LRMDA: variants seen among roughly 807,000 people sequenced by gnomAD.
LRMDA encodes leucine-rich melanocyte differentiation-associated protein.
LRMDA carries 18 observed loss-of-function variants against 29.8 expected under a neutral mutation model. The observed-to-expected ratio is 0.60, with a 90% CI of 0.42 to 0.90. The LOEUF is 0.90. Among genes scored for constraint, LRMDA ranks in the 40% least tolerant of loss-of-function variants. LRMDA has a pLI of 0.00. For missense variants in LRMDA, 273 were observed against 273.9 expected (o/e 1.00, Z 0.02); for synonymous variants, 125 against 109.4 (o/e 1.14, Z -0.89).
chr10:75,751,279 C>T (rs992869564), intron 2 of LRMDA, among the ~76,000 whole-genome samples: 32 of 151,400 alleles, frequency 2.1e-4, no homozygotes, highest in African/African-American at 4.6e-4. Context: ...AGTCCAGCCT[C>T]GGCTCGGCAT....
At chr10:75,796,628 A>G (rs770297291) in intron 2 of LRMDA, among the ~76,000 whole-genome samples, 1 of 152,218 alleles carries the variant, frequency 6.6e-6, no homozygotes, top group Non-Finnish European at 1.5e-5. Flanking sequence ...GCTGGAGTGC[A>G]GTGGTGTGAA....
At chr10:75,676,598 T>A (rs1256674664) in intron 2 of LRMDA, among the ~76,000 whole-genome samples, 1 of 152,152 alleles carries the variant, frequency 6.6e-6, no homozygotes, top group African/African-American at 2.4e-5. Context: ...TCCTGTTTCC[T>A]CCAAAACAAT....
At chr10:75,974,182 A>T (rs1847030941) in intron 2 of LRMDA, among the ~76,000 whole-genome samples, 1 of 152,152 alleles carries the variant, frequency 6.6e-6, no homozygotes, top group Admixed American at 6.5e-5. Context: ...TGCCATCCAC[A>T]AATGTGTCTT....
At chr10:76,545,679 T>C (rs1425539675) in intron 6 of LRMDA, among the ~76,000 whole-genome samples, 1 of 149,214 alleles carries the variant, frequency 6.7e-6, no homozygotes, top group African/African-American at 2.4e-5. Flanking sequence ...TTATTGTTAT[T>C]ATTTAGGTAT....
At position 75,534,397 on chromosome 10, in the gene LRMDA, T is replaced by C. The variant is rs537780328; in HGVS notation, c.131+95903T>C. 2.0e-5 allele frequency among the ~76,000 whole-genome samples: 3 copies of C among 152,158 alleles called. No homozygotes were observed. The East Asian group carries it at 5.8e-4, about 30-fold the overall frequency. ...GAAAAAACAGTGAAAAATGCTACCA[T>C]TGAATTGGGTGGCATTTAAGACTGT... On this transcript the variant is annotated intron_variant, in intron 2 of 6. Transcript: ENST00000611255.
intron 5 of LRMDA, among the ~76,000 whole-genome samples, chr10:76,285,530 C>T (rs982906388): frequency 6.6e-6 from 1 of 152,040 alleles, no homozygotes; most frequent in Non-Finnish European, 1.5e-5. Context: ...CACATGTTTT[C>T]ATGCCCGCAT....
At chr10:76,481,631 T>G (rs1405092538) in intron 6 of LRMDA, among the ~76,000 whole-genome samples, 2 of 151,926 alleles carry the variant, frequency 1.3e-5, no homozygotes, top group Non-Finnish European at 2.9e-5. Flanking sequence ...TAGCTCTTAT[T>G]TTTTATCTCC....
chr10:75,901,611 C>T (rs1219019195), intron 2 of LRMDA, among the ~76,000 whole-genome samples: 1 of 152,098 alleles, frequency 6.6e-6, no homozygotes, highest in African/African-American at 2.4e-5. Flanking sequence ...CCGAGACAAT[C>T]AATGAGATTA....
At chr10:75,918,017 C>A (rs548057214) in intron 2 of LRMDA, among the ~76,000 whole-genome samples, 1 of 152,146 alleles carries the variant, frequency 6.6e-6, no homozygotes, top group South Asian at 2.1e-4. Flanking sequence ...ATTCCTGACA[C>A]CCCCAGAGCT....
At chr10:76,272,477 C>T (rs1057468370) in intron 5 of LRMDA, among the ~76,000 whole-genome samples, 4 of 152,174 alleles carry the variant, frequency 2.6e-5, no homozygotes, top group African/African-American at 9.7e-5. Context: ...CTTCTGACAT[C>T]ACAAAGGTTT....
chr10:75,447,710 C>A (rs1183956332), intron 2 of LRMDA, among the ~76,000 whole-genome samples: 1 of 152,130 alleles, frequency 6.6e-6, no homozygotes, highest in South Asian at 2.1e-4. Flanking sequence ...GCCTGGGGAA[C>A]ATAGCAAGAC....
At chr10:76,383,419 T>TC in intron 6 of LRMDA, among the ~76,000 whole-genome samples, 3 of 32,520 alleles carry the variant, frequency 9.2e-5, no homozygotes, top group African/African-American at 5.3e-4. Flanking sequence ...TCTTTTCTTT[T>TC]TTTTTTTTTT....
In LRMDA at chr10:75,776,635, C is replaced by T. The variant is rs528306500; in HGVS notation, c.132-259373C>T. Among the ~76,000 whole-genome samples the T allele has an allele frequency of 4.2e-4, 64 of 152,296 alleles. No individual in the cohort carries two copies. In the South Asian group the frequency reaches 0.013, roughly 30 times the overall value. The stretch of plus-strand genomic sequence containing the variant: ...TTCCCCTAAGTAAATCAATTGGACA[C>T]TATTAGCAAGGGAATTGCATGCTGT... On this transcript the variant is annotated intron_variant, in intron 2 of 6. Coordinates refer to ENST00000611255, the MANE Select transcript of LRMDA (RefSeq NM_001305581.2).
chr10:75,514,562 T>C (rs1234186783), intron 2 of LRMDA, among the ~76,000 whole-genome samples: 3 of 152,054 alleles, frequency 2.0e-5, no homozygotes, highest in Non-Finnish European at 4.4e-5. Context: ...TTTGGGTCCT[T>C]GGGGTGGATC....
At chr10:76,006,361 G>A (rs1018218432) in intron 2 of LRMDA, among the ~76,000 whole-genome samples, 11 of 152,172 alleles carry the variant, frequency 7.2e-5, no homozygotes, top group African/African-American at 2.4e-4. Flanking sequence ...TGACTCTGCC[G>A]CTTACCTGGA....
chr10:75,979,278 G>T (rs1847125758), intron 2 of LRMDA, among the ~76,000 whole-genome samples: 1 of 152,152 alleles, frequency 6.6e-6, no homozygotes, highest in Non-Finnish European at 1.5e-5. Flanking sequence ...GGTGGTACAT[G>T]CGTGACTGAA....
intron 2 of LRMDA, among the ~76,000 whole-genome samples, chr10:75,714,740 AT>A (rs914260236): frequency 5.0e-4 from 76 of 151,524 alleles, no homozygotes; most frequent in African/African-American, 1.1e-3. Context: ...TAACAATTTG[AT>A]TTTTTTTTAA....
chr10:76,293,304 T>C (rs1357984391), intron 5 of LRMDA, among the ~76,000 whole-genome samples: 2 of 152,206 alleles, frequency 1.3e-5, no homozygotes, highest in Admixed American at 1.3e-4. Flanking sequence ...TTAATCATTG[T>C]ATATCTTTAG....
intron 6 of LRMDA, among the ~76,000 whole-genome samples, chr10:76,432,251 C>T (rs1202091529): frequency 6.6e-6 from 1 of 151,902 alleles, no homozygotes; most frequent in Non-Finnish European, 1.5e-5. Context: ...TGTGGTGCTC[C>T]TTTACTGGCT....
Sources: allele counts gnomAD v4.1 joint callset (sites outside exome capture counted in the v4.1 genomes callset), GRCh38; gene constraint gnomAD v4.1.1; transcripts MANE v1.5; gene names NCBI Gene and HGNC (gene_info 2026-07-23, HGNC 2026-07-21).